Variants in ARID1B observed in about 807,000 individuals in gnomAD.
The protein encoded by ARID1B is AT-rich interaction domain 1B.
ARID1B carries 30 observed loss-of-function variants against 212.3 expected under a neutral mutation model. The observed-to-expected ratio is 0.14, with a 90% CI of 0.11 to 0.19. The LOEUF (loss-of-function observed/expected upper bound fraction) is 0.19. Ranked by LOEUF, ARID1B falls within the 10% of genes least tolerant of loss-of-function variation. The pLI is 1.00. For missense variants in ARID1B, 2,891 were observed against 3,204.0 expected, an observed-to-expected ratio of 0.90 and a Z score of 2.36; for synonymous variants, 1,402 against 1,301.7, an observed-to-expected ratio of 1.08 and a Z score of -1.66.
At chr6:156,971,523 A>G (rs529770743) in intron 4 of ARID1B, among the ~76,000 whole-genome samples, 22 of 152,250 alleles carry the variant, frequency 1.4e-4, no homozygotes, top group African/African-American at 4.8e-4. Context: ...TACTATTGCT[A>G]TACTCATTTG....
intron 2 of ARID1B, among the ~76,000 whole-genome samples, chr6:156,882,236 A>G (rs1227769950): frequency 1.3e-5 from 2 of 151,910 alleles, no homozygotes; most frequent in East Asian, 1.9e-4. Context: ...AGCAATTCCC[A>G]TGTTCTGGGA....
intron 1 of ARID1B, among the ~76,000 whole-genome samples, chr6:156,822,988 A>T (rs551774829): frequency 7.9e-5 from 12 of 152,366 alleles, no homozygotes; most frequent in African/African-American, 2.9e-4. Context: ...ACCATCACAG[A>T]AAAGTAAACA....
chr6:157,058,605 G>C (rs896885196), intron 4 of ARID1B, among the ~76,000 whole-genome samples: 1 of 152,172 alleles, frequency 6.6e-6, no homozygotes, highest in Non-Finnish European at 1.5e-5. Flanking sequence ...TTTATTTCCT[G>C]CAACTGTGAT....
intron 1 of ARID1B, among the ~76,000 whole-genome samples, chr6:156,803,951 A>G (rs543330746): frequency 1.1e-4 from 16 of 152,338 alleles, no homozygotes; most frequent in Admixed American, 5.9e-4. Flanking sequence ...TTTACATCCA[A>G]TGTGAAATAA....
chr6:156,906,935 G>T (rs996171274), intron 3 of ARID1B, among the ~76,000 whole-genome samples: 6 of 152,002 alleles, frequency 3.9e-5, no homozygotes, highest in African/African-American at 4.8e-5. Flanking sequence ...ATTGTTACTG[G>T]TGTATACAAA....
chr6:157,210,443 CAG>C lies in ARID1B; in HGVS notation c.*2555_*2556del, dbSNP rs1211365886. 7 of 231,264 alleles carry C rather than the reference CAG, an allele frequency of 3.0e-5. No homozygotes were observed. Among genetic ancestry groups the C allele is most frequent in the African/African-American group, 4.5e-5 (2 of 44,932 alleles). The allele number at this position is 231,264 out of a possible 1,614,324, so 14.3% of individuals were successfully genotyped here. On this transcript the variant is annotated 3_prime_UTR_variant, in exon 20 of 20. Coordinates refer to ENST00000636930, the MANE Select transcript of ARID1B (RefSeq NM_001374828.1). ...TATGGTTTGCATTGTAACCGATACG[CAG>C]AGTCTGACCGTTGGGCAACAAGTTT...
chr6:157,079,560 A>G (rs1562599884), intron 4 of ARID1B, among the ~76,000 whole-genome samples: 1 of 152,236 alleles, frequency 6.6e-6, no homozygotes, highest in Non-Finnish European at 1.5e-5. Context: ...CCAAGAATCT[A>G]ATGACACTGG....
intron 4 of ARID1B, among the ~76,000 whole-genome samples, chr6:157,076,312 T>TTTG (rs1027320325): frequency 1.5e-5 from 2 of 134,530 alleles, no homozygotes; most frequent in African/African-American, 5.7e-5. Flanking sequence ...TGTTTGTTTG[T>TTTG]TTTGTTTTTT....
intron 4 of ARID1B, among the ~76,000 whole-genome samples, chr6:156,966,090 G>T (rs1246325959): frequency 1.3e-5 from 2 of 152,150 alleles, no homozygotes; most frequent in African/African-American, 4.8e-5. Flanking sequence ...TTTTCAATAA[G>T]TGGGACTGGC....
intron 4 of ARID1B, among the ~76,000 whole-genome samples, chr6:156,973,801 C>T (rs908700239): frequency 6.6e-6 from 1 of 152,038 alleles, no homozygotes; most frequent in African/African-American, 2.4e-5. Flanking sequence ...CAATATTTAC[C>T]GAATTTATTT....
At chr6:157,052,888 T>A (rs1187529438) in intron 4 of ARID1B, among the ~76,000 whole-genome samples, 4 of 150,458 alleles carry the variant, frequency 2.7e-5, no homozygotes, top group Non-Finnish European at 4.4e-5. Context: ...CCCAACTAAT[T>A]TTTGTATTTT....
At chr6:156,831,307 G>A (rs1453605883) in intron 2 of ARID1B, among the ~76,000 whole-genome samples, 2 of 152,218 alleles carry the variant, frequency 1.3e-5, no homozygotes, top group African/African-American at 4.8e-5. Context: ...GAGCAGAGGT[G>A]GGAAGGTAGT....
At chr6:156,906,546 CAAAAAAAAAAAAAAAAA>C (rs55660810) in intron 3 of ARID1B, among the ~76,000 whole-genome samples, 22 of 39,680 alleles carry the variant, frequency 5.5e-4, no homozygotes, top group African/African-American at 1.2e-3. Context: ...ACTCCATCTC[CAAAAAAAAAAAAAAAAA>C]AAAAAAAAAA....
intron 7 of ARID1B, among the ~76,000 whole-genome samples, chr6:157,145,763 C>T (rs1279783355): frequency 6.6e-6 from 1 of 152,074 alleles, no homozygotes; most frequent in Non-Finnish European, 1.5e-5. Flanking sequence ...AGACCTTAGT[C>T]CTCCAGTTGT....
intron 2 of ARID1B, among the ~76,000 whole-genome samples, chr6:156,857,251 T>C (rs1007786625): frequency 4.6e-5 from 7 of 152,230 alleles, no homozygotes; most frequent in African/African-American, 1.7e-4. Flanking sequence ...AAAGCTGAAC[T>C]TTGGTTTTCT....
At chr6:157,151,554 C>G (rs1278373424) in intron 8 of ARID1B, 1 of 152,190 alleles carries the variant, frequency 6.6e-6, no homozygotes, top group African/African-American at 2.4e-5. Context: ...AATTTCAACA[C>G]AGGAATTACA....
intron 6 of ARID1B, among the ~76,000 whole-genome samples, chr6:157,115,136 A>G (rs565943232): frequency 5.5e-4 from 84 of 152,078 alleles, no homozygotes; most frequent in Admixed American, 7.2e-4. Flanking sequence ...TGCCCATTTT[A>G]TCTGGTGGTT....
At chr6:156,897,220 T>TGCTTCTTCG (rs1562468303) in intron 2 of ARID1B, among the ~76,000 whole-genome samples, 8 of 74,474 alleles carry the variant, frequency 1.1e-4, no homozygotes, top group African/African-American at 2.3e-4. Flanking sequence ...CTGCTGCTGC[T>TGCTTCTTCG]TCTTCTTCTT....
chr6:157,030,084 G>C (rs1780930094), intron 4 of ARID1B, among the ~76,000 whole-genome samples: 2 of 152,182 alleles, frequency 1.3e-5, no homozygotes, highest in Admixed American at 1.3e-4. Flanking sequence ...TCTACAGTTT[G>C]ACGATTTGGG....
Sources: gnomAD v4.1 joint callset for allele counts (sites outside exome capture counted in the v4.1 genomes callset) on GRCh38, gnomAD v4.1.1 for gene constraint, MANE v1.5 for transcripts, NCBI Gene and HGNC (gene_info 2026-07-23, HGNC 2026-07-21) for gene names.